The following MEF2C variants were observed in gnomAD, a reference collection of about 807,000 sequenced individuals.
MEF2C encodes myocyte-specific enhancer factor 2C.
Under a neutral mutation model 50.5 loss-of-function variants are expected in MEF2C, and 6 were observed. The ratio of observed to expected loss-of-function variants is 0.12; its 90% confidence interval spans 0.07 to 0.23. The LOEUF is 0.23. Ranked by LOEUF, MEF2C falls within the 10% of genes least tolerant of loss-of-function variation. The pLI is 1.00. For synonymous variants in MEF2C, 183 were observed against 228.0 expected, an observed-to-expected ratio of 0.80 and a Z score of 1.78; for missense variants, 276 against 605.0, an observed-to-expected ratio of 0.46 and a Z score of 5.70.
At chr5:88,888,724 T>TTG (rs1219771374) in intron 1 of MEF2C, among the ~76,000 whole-genome samples, 2 of 151,922 alleles carry the variant, frequency 1.3e-5, no homozygotes, top group Non-Finnish European at 2.9e-5. Flanking sequence ...GGTAAGGTTT[T>TTG]TTTTTTTTTT....
chr5:88,840,385 T>C (rs187839844), intron 1 of MEF2C, among the ~76,000 whole-genome samples: 3 of 152,310 alleles, frequency 2.0e-5, no homozygotes, highest in East Asian at 3.9e-4. Flanking sequence ...GGTTTTTATT[T>C]TTTCGCCATC....
intron 1 of MEF2C, among the ~76,000 whole-genome samples, chr5:88,836,962 C>T (rs1013213518): frequency 4.0e-5 from 5 of 125,886 alleles, no homozygotes; most frequent in Non-Finnish European, 7.8e-5. Flanking sequence ...AAGTGGATTC[C>T]AGAGATTACT....
At chr5:88,871,655 T>G (rs1489096611) in intron 1 of MEF2C, among the ~76,000 whole-genome samples, 3 of 152,038 alleles carry the variant, frequency 2.0e-5, no homozygotes, top group African/African-American at 7.2e-5. Context: ...TGAGAAACCA[T>G]GTGAACAGAA....
intron 2 of MEF2C, among the ~76,000 whole-genome samples, chr5:88,816,554 T>G (rs888673639): frequency 5.3e-5 from 8 of 150,888 alleles, no homozygotes; most frequent in African/African-American, 1.7e-4. Context: ...TTTTCAACTC[T>G]TCAATCACCA....
At chr5:88,882,910 A>G (rs1833396723) in intron 1 of MEF2C, 45 bp downstream of exon 1, 1 of 152,108 alleles carries the variant, frequency 6.6e-6, no homozygotes. Flanking sequence ...TTTAGAGACA[A>G]TACCCGGGTT....
chr5:88,804,422 T>G, intron 3 of MEF2C, 176 bp downstream of exon 3: 3 of 593,484 alleles, frequency 5.1e-6, no homozygotes, highest in Non-Finnish European at 8.9e-6. Context: ...CTCTAACTTT[T>G]GAAGGGGAGA....
intron 1 of MEF2C, among the ~76,000 whole-genome samples, chr5:88,846,161 G>A (rs1404979410): frequency 4.7e-5 from 7 of 150,172 alleles, no homozygotes; most frequent in African/African-American, 1.2e-4. Flanking sequence ...TCCACCTCCC[G>A]GGTTCATGCG....
At chr5:88,893,319 CT>C (rs11368134) in intron 1 of MEF2C, among the ~76,000 whole-genome samples, 26,685 of 145,798 alleles carry the variant, frequency 0.18, 2,491 homozygotes, top group Middle Eastern at 0.26. Flanking sequence ...TCTTTCTTTT[CT>C]TTTTTTTTTT....
chr5:88,811,033 G>C (rs556024582), intron 2 of MEF2C, among the ~76,000 whole-genome samples: 1 of 152,042 alleles, frequency 6.6e-6, no homozygotes, highest in Admixed American at 6.6e-5. Context: ...AAGTTTTAGC[G>C]TTCTATAGTG....
chr5:88,750,106 A>C (rs1771966427), intron 5 of MEF2C: 1 of 822,800 alleles, frequency 1.2e-6, no homozygotes, highest in South Asian at 5.6e-5. Flanking sequence ...TATCATCTAG[A>C]TTTTCTAATT....
Position 88,790,904 on chromosome 5 carries a change from C to G in MEF2C, c.258+13694G>C, listed in dbSNP as rs532208700. On this transcript the variant is annotated intron_variant, in intron 3 of 10. Transcript: ENST00000504921. Reference sequence around the variant, plus strand: ...GTAATTAGACAAAACAAAAACAAACCCCCCAAAACCAACAGTGGGGTGAAG... The same window carrying G: ...GTAATTAGACAAAACAAAAACAAACGCCCCAAAACCAACAGTGGGGTGAAG... Among the ~76,000 whole-genome samples the G allele has an allele frequency of 6.2e-3, 947 of 152,106 alleles. 4 individuals are homozygous for G. Among genetic ancestry groups the G allele is most frequent in the Non-Finnish European group, 7.8e-3 (527 of 67,986 alleles).
chr5:88,791,658 C>T (rs1793808361), intron 3 of MEF2C, among the ~76,000 whole-genome samples: 2 of 152,046 alleles, frequency 1.3e-5, no homozygotes, highest in African/African-American at 4.8e-5. Flanking sequence ...AAAGAAATGG[C>T]TCTTCAAATT....
At chr5:88,873,441 G>A (rs1830124927) in intron 1 of MEF2C, among the ~76,000 whole-genome samples, 1 of 151,994 alleles carries the variant, frequency 6.6e-6, no homozygotes, top group Non-Finnish European at 1.5e-5. Context: ...TTTGAAGCAA[G>A]AAGGAAGCTC....
rs1247067763 is a variant in MEF2C, at chr5:88,899,392, A to G, written c.-240+4524T>C. On this transcript the variant is annotated intron_variant, in intron 1 of 11. Transcript: ENST00000340208. ...CAGATTCCTTTTGAGACTTCCTCAC[A>G]TGAAACAGAGGAAATATCTTTCATT... Among the ~76,000 whole-genome samples, 4 of 152,208 alleles carry G rather than the reference A, an allele frequency of 2.6e-5. No individual in the cohort carries two copies. The East Asian group carries it at 7.7e-4, about 29-fold the overall frequency.
intron 3 of MEF2C, among the ~76,000 whole-genome samples, chr5:88,783,598 C>T (rs532614859): frequency 1.3e-4 from 20 of 152,100 alleles, no homozygotes; most frequent in African/African-American, 4.8e-4. Flanking sequence ...CCATTGCACT[C>T]CAGCCTGGGC....
Position 88,761,283 on chromosome 5 carries a change from C to T in MEF2C, c.304G>A (p.Asp102Asn). The T allele has an allele frequency of 6.2e-7, 1 of 1,614,020 alleles. No homozygotes were observed. Among genetic ancestry groups the T allele is most frequent in the Non-Finnish European group, 8.5e-7 (1 of 1,179,894 alleles). ...CTGTGACCTACGGAATCGTCCGCAT[C>T]GGGGTCTGGGCTGTCACAGCCATTA... ...GLNGCDSPDP[D>N]ADDSVGHSPE... Residue 102 changes from aspartate (D) to asparagine (N), a missense_variant, in exon 4 of 11, where the codon GAT becomes AAT. Physicochemically the swap from Asp to Asn is conservative, Grantham distance 23 (BLOSUM62 1). Transcript: ENST00000504921.
intron 1 of MEF2C, among the ~76,000 whole-genome samples, chr5:88,858,270 T>C (rs1824195592): frequency 6.6e-6 from 1 of 152,208 alleles, no homozygotes; most frequent in Non-Finnish European, 1.5e-5. Flanking sequence ...ACCAATCTTT[T>C]TTCCTGTCTC....
chr5:88,848,776 C>A (rs1395464307), intron 1 of MEF2C, among the ~76,000 whole-genome samples: 1 of 152,104 alleles, frequency 6.6e-6, no homozygotes, highest in East Asian at 1.9e-4. Context: ...ATTTAGAGTT[C>A]TTAACGGGTG....
chr5:88,738,098 A>C, intron 6 of MEF2C: 1 of 985,374 alleles, frequency 1.0e-6, no homozygotes, highest in Non-Finnish European at 1.2e-6. Context: ...AAAAAAGATA[A>C]GGCAGAGTAA....
Sources: allele counts gnomAD v4.1 joint callset (sites outside exome capture counted in the v4.1 genomes callset), GRCh38; gene constraint gnomAD v4.1.1; transcripts MANE v1.5; gene names NCBI Gene and HGNC (gene_info 2026-07-23, HGNC 2026-07-21).